NKAIN2: variants seen among roughly 807,000 people sequenced by gnomAD.
NKAIN2 encodes the protein sodium/potassium transporting ATPase interacting 2.
In NKAIN2, 14 loss-of-function variants were observed where a neutral mutation model predicts 32.6. The observed-to-expected ratio is 0.43, with a 90% CI of 0.28 to 0.67. NKAIN2 has a LOEUF of 0.67. Ranked by LOEUF, NKAIN2 falls within the 30% of genes least tolerant of loss-of-function variation. The pLI, the probability that NKAIN2 is intolerant of heterozygous loss-of-function variation, is 0.17. For synonymous variants in NKAIN2, 80 were observed against 87.2 expected (o/e 0.92, Z 0.46); for missense variants, 198 against 258.3 (o/e 0.77, Z 1.60).
intron 4 of NKAIN2, among the ~76,000 whole-genome samples, chr6:124,789,229 T>C (rs1779636518): frequency 6.6e-6 from 1 of 152,108 alleles, no homozygotes; most frequent in Non-Finnish European, 1.5e-5. Context: ...CGATGCTTGT[T>C]ACCTAGATTT....
intron 1 of NKAIN2, among the ~76,000 whole-genome samples, chr6:123,824,049 A>G (rs1175561111): frequency 3.3e-5 from 5 of 152,148 alleles, no homozygotes; most frequent in Non-Finnish European, 5.9e-5. Context: ...GACCTTTGAT[A>G]CTTTGTCTGT....
intron 1 of NKAIN2, among the ~76,000 whole-genome samples, chr6:124,138,877 G>A (rs955582835): frequency 6.6e-6 from 1 of 150,720 alleles, no homozygotes; most frequent in Non-Finnish European, 1.5e-5. Context: ...TAAGTTATGA[G>A]GATGCAAAGG....
At chr6:124,540,243 T>A (rs1779861374) in intron 3 of NKAIN2, among the ~76,000 whole-genome samples, 1 of 152,250 alleles carries the variant, frequency 6.6e-6, no homozygotes, top group Non-Finnish European at 1.5e-5. Context: ...AAATTCTCTA[T>A]GACAAGGCAA....
chr6:124,047,429 T>G (rs1782194975), intron 1 of NKAIN2, among the ~76,000 whole-genome samples: 1 of 150,406 alleles, frequency 6.6e-6, no homozygotes, highest in South Asian at 2.1e-4. Context: ...TGAGGGAAAT[T>G]TACTTTCTCT....
At chr6:123,993,945 A>G (rs1300483306) in intron 1 of NKAIN2, among the ~76,000 whole-genome samples, 1 of 152,140 alleles carries the variant, frequency 6.6e-6, no homozygotes, top group East Asian at 1.9e-4. Context: ...AATTTGGGCG[A>G]CCTTCTGTAG....
chr6:124,580,736 A>G (rs773860340), intron 3 of NKAIN2, among the ~76,000 whole-genome samples: 1 of 152,200 alleles, frequency 6.6e-6, no homozygotes, highest in Non-Finnish European at 1.5e-5. Flanking sequence ...TTAAAAAACA[A>G]GACGCAGTGG....
intron 2 of NKAIN2, among the ~76,000 whole-genome samples, chr6:124,333,347 AC>A (rs1797739834): frequency 6.6e-6 from 1 of 152,020 alleles, no homozygotes; most frequent in Non-Finnish European, 1.5e-5. Flanking sequence ...TGCCTACCAC[AC>A]TTAAAATAGG....
chr6:124,004,048 G>A, intron 1 of NKAIN2, among the ~76,000 whole-genome samples: 1 of 152,232 alleles, frequency 6.6e-6, no homozygotes, highest in South Asian at 2.1e-4. Flanking sequence ...CTAAAATATC[G>A]AGCTAATTCC....
intron 1 of NKAIN2, among the ~76,000 whole-genome samples, chr6:123,962,864 G>A (rs182326224): frequency 5.6e-4 from 86 of 152,258 alleles, no homozygotes; most frequent in East Asian, 2.9e-3. Context: ...TGCCCAGAGC[G>A]AGAGTAAAGC....
intron 3 of NKAIN2, among the ~76,000 whole-genome samples, chr6:124,394,217 A>G (rs1773262800): frequency 6.6e-6 from 1 of 152,114 alleles, no homozygotes; most frequent in South Asian, 2.1e-4. Flanking sequence ...TGTGAAAAAA[A>G]TTGGGCTCCA....
chr6:124,131,663 T>C (rs533515384), intron 1 of NKAIN2, among the ~76,000 whole-genome samples: 45 of 152,110 alleles, frequency 3.0e-4, no homozygotes, highest in Non-Finnish European at 5.6e-4. Context: ...CTGGAATGGA[T>C]TTAGGGAGCT....
chr6:124,386,088 T>G (rs1442522317), intron 3 of NKAIN2, among the ~76,000 whole-genome samples: 1 of 151,994 alleles, frequency 6.6e-6, no homozygotes, highest in Non-Finnish European at 1.5e-5. Flanking sequence ...TTTTTAAGAT[T>G]AGAAAACAGA....
chr6:124,442,167 A>G (rs1775718260), intron 3 of NKAIN2, among the ~76,000 whole-genome samples: 1 of 152,046 alleles, frequency 6.6e-6, no homozygotes, highest in Non-Finnish European at 1.5e-5. Context: ...ATAATCAACC[A>G]GCTAAGCCCT....
At chr6:124,507,544 C>T (rs1458154221) in intron 3 of NKAIN2, among the ~76,000 whole-genome samples, 1 of 152,134 alleles carries the variant, frequency 6.6e-6, no homozygotes, top group Non-Finnish European at 1.5e-5. Flanking sequence ...CTAAACATTT[C>T]TCTCTATCAC....
chr6:123,967,817 C>T (rs2114628323), intron 1 of NKAIN2, among the ~76,000 whole-genome samples: 1 of 152,092 alleles, frequency 6.6e-6, no homozygotes, highest in East Asian at 1.9e-4. Flanking sequence ...TTCTTTGTTC[C>T]TCCACTTCGA....
chr6:124,028,462 AGCACACCAGCATG>A (rs1462709951), intron 1 of NKAIN2, among the ~76,000 whole-genome samples: 1 of 151,734 alleles, frequency 6.6e-6, no homozygotes, highest in Admixed American at 6.6e-5. Flanking sequence ...TAATGGGTGC[AGCACACCAGCATG>A]GCACATGTAT....
chr6:124,186,648 A>G (rs1789756135), intron 1 of NKAIN2, among the ~76,000 whole-genome samples: 1 of 152,186 alleles, frequency 6.6e-6, no homozygotes, highest in African/African-American at 2.4e-5. Context: ...ATACCAATAT[A>G]TGTGTTTTCT....
At chr6:124,320,868 A>G (rs1223241758) in intron 2 of NKAIN2, among the ~76,000 whole-genome samples, 1 of 152,114 alleles carries the variant, frequency 6.6e-6, no homozygotes, top group Non-Finnish European at 1.5e-5. Flanking sequence ...TCTTTTATAA[A>G]CCATAATTAC....
chr6:124,786,269 C>T (rs1406620319), intron 4 of NKAIN2, among the ~76,000 whole-genome samples: 1 of 151,922 alleles, frequency 6.6e-6, no homozygotes, highest in Non-Finnish European at 1.5e-5. Context: ...AGCTGGTCTG[C>T]CTCAAAGTCT....
Sources: allele counts gnomAD v4.1 joint callset (sites outside exome capture counted in the v4.1 genomes callset), GRCh38; gene constraint gnomAD v4.1.1; transcripts MANE v1.5; gene names NCBI Gene and HGNC (gene_info 2026-07-23, HGNC 2026-07-21).